Variants in PALS2 observed in about 807,000 individuals in gnomAD.
PALS2 encodes protein associated with LIN7 2, MAGUK p55 family member, also known as protein PALS2.
Under a neutral mutation model 61.6 loss-of-function variants are expected in PALS2, and 27 were observed. The ratio of observed to expected loss-of-function variants is 0.44; its 90% confidence interval spans 0.32 to 0.60. The LOEUF (loss-of-function observed/expected upper bound fraction) is 0.60. Among genes scored for constraint, PALS2 ranks in the 20% least tolerant of loss-of-function variants. PALS2 has a pLI of 0.05. For missense variants in PALS2, 554 were observed against 639.4 expected, an observed-to-expected ratio of 0.87 and a Z score of 1.44; for synonymous variants, 236 against 218.6, an observed-to-expected ratio of 1.08 and a Z score of -0.70.
In PALS2 at chr7:24,573,699, G is replaced by GCCCGC. The variant is rs1425169642; in HGVS notation, c.-3+115_-3+119dup. The stretch of plus-strand genomic sequence containing the variant: ...CGCGGCGCGCCACGCGGGGACCCTG[G>GCCCGC]CCCGCCCCGCCCCCCTCGGCACCTG... On this transcript the variant is annotated intron_variant, in intron 1 of 11. Coordinates refer to ENST00000222644, the MANE Select transcript of PALS2 (RefSeq NM_001303037.2). The surrounding 1 kb of genome is among the most constrained non-coding windows in gnomAD (Gnocchi z 5.3). 5 of 160,518 alleles carry GCCCGC rather than the reference G, an allele frequency of 3.1e-5. No homozygotes were observed. The highest frequency in any genetic ancestry group is 3.7e-4 in the South Asian group (2 of 5,394). 9.9% of individuals were successfully genotyped at this position (160,518 alleles called of 1,614,324 possible).
rs1290860589 is a variant in PALS2, at chr7:24,626,722, G to A, written c.117+2938G>A. 4.6e-5 allele frequency among the ~76,000 whole-genome samples: 7 copies of A among 152,082 alleles called. No homozygotes were observed. In the East Asian group the frequency reaches 5.8e-4, roughly 13 times the overall value. ...TGTAAAGCAAAAAAAAAGGGATTGC[G>A]ATCCTAATCTCTGATAAAACAGACG... On this transcript the variant is annotated intron_variant, in intron 2 of 11. Transcript: ENST00000222644.
At chr7:24,656,193 AC>A (rs1366171766) in intron 5 of PALS2, among the ~76,000 whole-genome samples, 2 of 152,186 alleles carry the variant, frequency 1.3e-5, no homozygotes, top group African/African-American at 2.4e-5. Flanking sequence ...CAACATTTGC[AC>A]CATGTTTAGC....
chr7:24,586,900 G>A (rs1024750409), intron 1 of PALS2, among the ~76,000 whole-genome samples: 4 of 152,098 alleles, frequency 2.6e-5, no homozygotes, highest in South Asian at 2.1e-4. Context: ...GACATAGGGC[G>A]TCTTGAGGTT....
chr7:24,647,295 C>T (rs748254118), intron 3 of PALS2, among the ~76,000 whole-genome samples: 6 of 152,038 alleles, frequency 3.9e-5, no homozygotes, highest in Non-Finnish European at 7.4e-5. Context: ...TAGGCAGTCA[C>T]GTGCCGTGAC....
intron 1 of PALS2, among the ~76,000 whole-genome samples, chr7:24,620,440 G>A (rs1405774874): frequency 6.6e-6 from 1 of 152,108 alleles, no homozygotes; most frequent in Non-Finnish European, 1.5e-5. Flanking sequence ...TTCTTTGCCA[G>A]GACAAGGGAT....
chr7:24,659,377 G>A (rs1257892162), intron 5 of PALS2, among the ~76,000 whole-genome samples: 1 of 152,168 alleles, frequency 6.6e-6, no homozygotes, highest in East Asian at 1.9e-4. Context: ...TAATGGGATT[G>A]CTGGGTCAAA....
At chr7:24,576,186 A>G (rs7797746) in intron 1 of PALS2, among the ~76,000 whole-genome samples, 3,608 of 152,328 alleles carry the variant, frequency 0.024, 164 homozygotes, top group African/African-American at 0.083. Flanking sequence ...TATAAATATA[A>G]GAGCAGATAA....
At chr7:24,678,403 G>GTCTAGC (rs1442331964) in intron 9 of PALS2, among the ~76,000 whole-genome samples, 1 of 152,108 alleles carries the variant, frequency 6.6e-6, no homozygotes, top group Non-Finnish European at 1.5e-5. Flanking sequence ...ATAATGAGGC[G>GTCTAGC]TCTAGCTCTA....
intron 2 of PALS2, among the ~76,000 whole-genome samples, chr7:24,629,782 C>T (rs937416674): frequency 6.6e-6 from 1 of 152,182 alleles, no homozygotes; most frequent in Non-Finnish European, 1.5e-5. Flanking sequence ...AATGAGATAC[C>T]TTCTCACACC....
chr7:24,625,861 A>G (rs77071070), intron 2 of PALS2, among the ~76,000 whole-genome samples: 2,810 of 152,266 alleles, frequency 0.018, 100 homozygotes, highest in African/African-American at 0.065. Flanking sequence ...TTCCTATAAT[A>G]TAGGTTAAAA....
In PALS2 at chr7:24,680,421, T is replaced by C; in HGVS notation, c.1347T>C (p.Phe449=). The change falls in exon 11 of 12, where the codon TTT becomes TTC. Residue 449 remains phenylalanine (F), a synonymous_variant. Coordinates refer to ENST00000222644, the MANE Select transcript of PALS2 (RefSeq NM_001303037.2). ...QALKVLRTSE[F]MPYVVFIAAP... ...TGAAAGTATTGAGGACATCAGAGTT[T>C]ATGCCCTATGTGGTATTTATTGCGG... The C allele has an allele frequency of 6.2e-7, 1 of 1,613,290 alleles. No homozygotes were observed. Among genetic ancestry groups the C allele is most frequent in the South Asian group, 1.1e-5 (1 of 91,064 alleles).
In PALS2 at chr7:24,575,109, C is replaced by A. The variant is rs549242668; in HGVS notation, c.-3+1516C>A. The stretch of plus-strand genomic sequence containing the variant: ...GTGTTACTCTTTAAGGTCCATGTTT[C>A]CTTCATTCTGGACTACGGTTACATA... On this transcript the variant is annotated intron_variant, in intron 1 of 11. Coordinates refer to ENST00000222644, the MANE Select transcript of PALS2 (RefSeq NM_001303037.2). Among the ~76,000 whole-genome samples, 4 of 152,262 alleles carry A rather than the reference C, an allele frequency of 2.6e-5. No individual in the cohort carries two copies. In the South Asian group the frequency reaches 8.3e-4, roughly 32 times the overall value.
chr7:24,642,937 A>G (rs1157185178), intron 3 of PALS2, among the ~76,000 whole-genome samples: 2 of 152,146 alleles, frequency 1.3e-5, no homozygotes, highest in African/African-American at 4.8e-5. Context: ...GGTATTAACC[A>G]GGGAAAGGTC....
intron 3 of PALS2, 90 bp from the exon 4 acceptor site, chr7:24,649,522 C>G: frequency 8.1e-6 from 10 of 1,237,274 alleles, no homozygotes; most frequent in African/African-American, 1.5e-5. Flanking sequence ...TTTTAGTACT[C>G]CATTGGAATA....
chr7:24,650,927 A>T (rs1279804712), intron 5 of PALS2, among the ~76,000 whole-genome samples: 1 of 152,222 alleles, frequency 6.6e-6, no homozygotes, highest in African/African-American at 2.4e-5. Flanking sequence ...CTTCATTAAC[A>T]CCAGGAACCC....
In PALS2 at chr7:24,665,452, T is replaced by C. The variant is rs1024752322; in HGVS notation, c.784-136T>C. The C allele has an allele frequency of 4.5e-6, 3 of 664,114 alleles. No individual in the cohort carries two copies. The Admixed American group carries it at 8.1e-5, about 18-fold the overall frequency. The allele number at this position is 664,114 out of a possible 1,614,324, so 41.1% of individuals were successfully genotyped here. ...ATTGTTTAAATATCTTAACTGACAA[T>C]GCTATGGATTTAAATCTCAAGGTTG... On this transcript the variant is annotated intron_variant, in intron 6 of 11. Transcript: ENST00000222644.
intron 9 of PALS2, among the ~76,000 whole-genome samples, chr7:24,678,195 A>G (rs558329151): frequency 6.6e-6 from 1 of 152,328 alleles, no homozygotes; most frequent in South Asian, 2.1e-4. Flanking sequence ...ACACATTTGC[A>G]ACAGTTTAAA....
intron 1 of PALS2, among the ~76,000 whole-genome samples, chr7:24,612,479 AT>A (rs1295295046): frequency 4.6e-5 from 7 of 151,876 alleles, no homozygotes. Flanking sequence ...TTCTATTAGG[AT>A]TTATTCATTT....
chr7:24,577,128 T>C (rs1342611952), intron 1 of PALS2, among the ~76,000 whole-genome samples: 1 of 152,180 alleles, frequency 6.6e-6, no homozygotes, highest in Non-Finnish European at 1.5e-5. Flanking sequence ...AAGACCTTTC[T>C]ATAATCTTTA....
Sources: allele counts gnomAD v4.1 joint callset (sites outside exome capture counted in the v4.1 genomes callset), GRCh38; gene constraint gnomAD v4.1.1; non-coding constraint Gnocchi (gnomAD v3.1); transcripts MANE v1.5; gene names NCBI Gene and HGNC (gene_info 2026-07-23, HGNC 2026-07-21).